The following NLGN4X variants were observed in gnomAD, a reference collection of about 807,000 sequenced individuals.
NLGN4X encodes neuroligin 4 X-linked.
A neutral mutation model predicts 40.3 loss-of-function variants in NLGN4X; 3 were observed. That is an observed-to-expected ratio of 0.07 (90% CI 0.03 to 0.19). The LOEUF (loss-of-function observed/expected upper bound fraction) is 0.19. Among genes scored for constraint, NLGN4X ranks in the 10% least tolerant of loss-of-function variants. NLGN4X has a pLI of 1.00. For synonymous variants in NLGN4X, 270 were observed against 306.8 expected, an observed-to-expected ratio of 0.88 and a Z score of 1.25; for missense variants, 382 against 708.3, an observed-to-expected ratio of 0.54 and a Z score of 5.23.
intron 3 of NLGN4X, among the ~76,000 whole-genome samples, chrX:6,004,706 G>A (rs142836882): frequency 2.9e-3 from 320 of 111,479 alleles, no homozygotes; most frequent in African/African-American, 9.8e-3. Context: ...TTTAGAAGCC[G>A]GAAACTGCTG....
intron 4 of NLGN4X, among the ~76,000 whole-genome samples, chrX:5,907,424 G>A (rs761868787): frequency 1.8e-5 from 2 of 111,658 alleles, no homozygotes; most frequent in Non-Finnish European, 1.9e-5. Flanking sequence ...AGCCTCCGGG[G>A]AAAGCCTCAG....
chrX:5,925,933 A>T lies in NLGN4X; in HGVS notation c.626-16694T>A, dbSNP rs796085895. On this transcript the variant is annotated intron_variant, in intron 3 of 5. Transcript: ENST00000381095. ...ATATATATATATATATATATATATA[A>T]ACCTGCGAAGCTTTTCAAATAATCA... Among the ~76,000 whole-genome samples, 12 of 48,146 alleles carry T rather than the reference A, an allele frequency of 2.5e-4. No individual in the cohort carries two copies. The East Asian group carries it at 3.1e-3, about 12-fold the overall frequency. The allele number at this position is 48,146 out of a possible 115,157, so 41.8% of individuals were successfully genotyped here.
chrX:5,943,528 T>C (rs2034022334), intron 3 of NLGN4X, among the ~76,000 whole-genome samples: 1 of 112,146 alleles, frequency 8.9e-6, no homozygotes, highest in Non-Finnish European at 1.9e-5. Flanking sequence ...TACAAGGACA[T>C]GCAGGCAGTG....
At chrX:6,178,473 G>C (rs745425239) in intron 1 of NLGN4X, among the ~76,000 whole-genome samples, 1 of 111,617 alleles carries the variant, frequency 9.0e-6, no homozygotes, top group South Asian at 3.8e-4. Context: ...GGCAACCCCT[G>C]GGAAGCAAAC....
chrX:6,130,413 A>G (rs2039655380), intron 2 of NLGN4X, among the ~76,000 whole-genome samples: 2 of 112,095 alleles, frequency 1.8e-5, no homozygotes, highest in African/African-American at 3.2e-5. Context: ...CCTAAAGCAA[A>G]CATAATTTTG....
intron 2 of NLGN4X, among the ~76,000 whole-genome samples, chrX:6,108,337 TATTAA>T (rs1050636034): frequency 2.6e-4 from 29 of 111,652 alleles, no homozygotes; most frequent in Admixed American, 1.9e-4. Context: ...TGTGAATTAT[TATTAA>T]ATATTATTTT....
intron 1 of NLGN4X, among the ~76,000 whole-genome samples, chrX:6,184,270 A>G (rs1921785974): frequency 8.9e-6 from 1 of 111,970 alleles, no homozygotes. Flanking sequence ...TGTTCTTTTC[A>G]TTTACCTGAT....
At chrX:6,212,657 A>T (rs908788724) in intron 1 of NLGN4X, among the ~76,000 whole-genome samples, 2 of 112,271 alleles carry the variant, frequency 1.8e-5, no homozygotes, top group African/African-American at 6.5e-5. Flanking sequence ...AATGAAGCAT[A>T]TTCAAGGACG....
At chrX:5,994,892 A>G (rs1264781996) in intron 3 of NLGN4X, among the ~76,000 whole-genome samples, 1 of 112,584 alleles carries the variant, frequency 8.9e-6, no homozygotes, top group Non-Finnish European at 1.9e-5. Context: ...CCTTAATCCT[A>G]AATAAGTGCT....
intron 3 of NLGN4X, among the ~76,000 whole-genome samples, chrX:5,996,139 C>T (rs753359260): frequency 8.9e-6 from 1 of 112,048 alleles, no homozygotes; most frequent in Non-Finnish European, 1.9e-5. Flanking sequence ...TGAAAGGATT[C>T]CCTGGAAAGT....
chrX:6,147,780 C>T (rs1361916872), intron 2 of NLGN4X, among the ~76,000 whole-genome samples: 1 of 111,624 alleles, frequency 9.0e-6, no homozygotes, highest in African/African-American at 3.3e-5. Flanking sequence ...TTCCGACTGG[C>T]TTGACTGACT....
intron 3 of NLGN4X, among the ~76,000 whole-genome samples, chrX:6,012,866 G>T (rs1300800146): frequency 1.8e-5 from 2 of 111,543 alleles, no homozygotes; most frequent in East Asian, 2.8e-4. Context: ...TGAACATCTG[G>T]TTTCCCAAAC....
At chrX:6,180,155 G>A (rs952445767) in intron 1 of NLGN4X, among the ~76,000 whole-genome samples, 3 of 111,853 alleles carry the variant, frequency 2.7e-5, no homozygotes, top group Non-Finnish European at 3.8e-5. Flanking sequence ...ATTTCCATGC[G>A]AGAGAACACC....
chrX:6,172,549 T>G (rs1204239319), intron 1 of NLGN4X, among the ~76,000 whole-genome samples: 3 of 112,059 alleles, frequency 2.7e-5, no homozygotes, highest in African/African-American at 9.7e-5. Flanking sequence ...AATTCCCATG[T>G]TTTTTATGAG....
chrX:6,135,281 A>G (rs1421773178), intron 2 of NLGN4X, among the ~76,000 whole-genome samples: 1 of 111,556 alleles, frequency 9.0e-6, no homozygotes, highest in Non-Finnish European at 1.9e-5. Flanking sequence ...TTATCTCTCT[A>G]TGTCACTAAG....
rs200949012 is a variant in NLGN4X, at chrX:6,220,585, G to GA, written c.-306+7955dup. Among the ~76,000 whole-genome samples the GA allele has an allele frequency of 2.1e-4, 22 of 104,954 alleles. No individual in the cohort carries two copies. The East Asian group carries it at 4.2e-3, about 20-fold the overall frequency. 91.1% of individuals were successfully genotyped at this position (104,954 alleles called of 115,157 possible). A position where few individuals can be genotyped will look rare whatever the true frequency, so the allele number is the denominator to read the frequency against. On this transcript the variant is annotated intron_variant, in intron 1 of 5. Coordinates refer to ENST00000381095, the MANE Select transcript of NLGN4X (RefSeq NM_181332.3). ...TTTTTTGGAACTAGTACTCAAATTA[G>GA]AAAAAAAAAGCTTCCAGGAGACCTA...
chrX:5,935,885 A>G (rs1264892879), intron 3 of NLGN4X, among the ~76,000 whole-genome samples: 1 of 112,059 alleles, frequency 8.9e-6, no homozygotes, highest in East Asian at 2.8e-4. Flanking sequence ...AGCGAACAAT[A>G]TATTCTTTGG....
intron 2 of NLGN4X, among the ~76,000 whole-genome samples, chrX:6,059,929 C>T (rs904911865): frequency 8.9e-6 from 1 of 111,989 alleles, no homozygotes; most frequent in Non-Finnish European, 1.9e-5. Context: ...CAGTCACCTA[C>T]ATAATTATAT....
intron 1 of NLGN4X, among the ~76,000 whole-genome samples, chrX:6,219,565 T>G (rs1925463846): frequency 9.9e-6 from 1 of 101,272 alleles, no homozygotes; most frequent in African/African-American, 3.7e-5. Flanking sequence ...TCTTTCTTTC[T>G]TTCTTTCTTC....
Sources: gnomAD v4.1 joint callset for allele counts (sites outside exome capture counted in the v4.1 genomes callset) on GRCh38, gnomAD v4.1.1 for gene constraint, MANE v1.5 for transcripts, NCBI Gene and HGNC (gene_info 2026-07-23, HGNC 2026-07-21) for gene names.